The following PELO variants were observed in gnomAD, a reference collection of about 807,000 sequenced individuals.
The protein encoded by PELO is protein pelota homolog.
PELO carries 19 observed loss-of-function variants against 25.9 expected under a neutral mutation model. The observed-to-expected ratio is 0.73, with a 90% CI of 0.51 to 1.08. PELO has a LOEUF of 1.08. Among genes scored for constraint, PELO ranks in the 50% least tolerant of loss-of-function variants. The pLI, the probability that PELO is intolerant of heterozygous loss-of-function variation, is 0.00. For synonymous variants in PELO, 196 were observed against 192.2 expected (o/e 1.02, Z -0.16); for missense variants, 498 against 491.4 (o/e 1.01, Z -0.13).
chr5:52,796,045 G>T (rs1490210636), intron 1 of PELO, among the ~76,000 whole-genome samples: 1 of 151,938 alleles, frequency 6.6e-6, no homozygotes, highest in Non-Finnish European at 1.5e-5. Context: ...ATGTTAGGAT[G>T]AGATTATAGG....
intron 1 of PELO, among the ~76,000 whole-genome samples, chr5:52,799,261 C>T (rs955124982): frequency 1.3e-5 from 2 of 152,190 alleles, no homozygotes; most frequent in Non-Finnish European, 2.9e-5. Context: ...TGCTAAGTAA[C>T]TTAAGGATTT....
intron 1 of PELO, among the ~76,000 whole-genome samples, chr5:52,796,121 T>C (rs1748336879): frequency 6.6e-6 from 1 of 151,992 alleles, no homozygotes; most frequent in Admixed American, 6.6e-5. Flanking sequence ...AATTATTGAA[T>C]TCAATTCCCT....
Position 52,801,132 on chromosome 5 carries a change from T to A in PELO, c.726+12T>A. ...CCAAATTTCTTCAGGTAAAACAATC[T>A]TACCCAGGGATAATTAAGAATGGGC... On this transcript the variant is annotated intron_variant, in intron 2 of 2. Transcript: ENST00000274311. The A allele has an allele frequency of 2.5e-6, 4 of 1,583,134 alleles. No homozygotes were observed. Among genetic ancestry groups the A allele is most frequent in the Non-Finnish European group, 3.4e-6 (4 of 1,163,504 alleles).
rs912819566 is a variant in PELO at position 52,802,151 on chromosome 5, G to T, written c.*311G>T. Reference sequence around the variant, plus strand: ...AAAGACGATGCCTATGCAGTATATTGTTTGGGATAGATTGCAAAATTTCAC... The same window carrying T: ...AAAGACGATGCCTATGCAGTATATTTTTTGGGATAGATTGCAAAATTTCAC... On this transcript the variant is annotated 3_prime_UTR_variant, in exon 3 of 3. Transcript: ENST00000274311. 5 of 216,764 alleles carry T rather than the reference G, an allele frequency of 2.3e-5. No homozygotes were observed. The highest frequency in any genetic ancestry group is 4.6e-5 in the Non-Finnish European group (5 of 108,920). The allele number at this position is 216,764 out of a possible 1,614,324, so 13.4% of individuals were successfully genotyped here.
chr5:52,803,038 A>C lies in PELO; in HGVS notation c.*1198A>C, dbSNP rs1489526102. 1 of 152,230 alleles carries C rather than the reference A, an allele frequency of 6.6e-6. No individual in the cohort carries two copies. The highest frequency in any genetic ancestry group is 1.9e-4 in the East Asian group (1 of 5,200). The allele number at this position is 152,230 out of a possible 1,614,324, so 9.4% of individuals were successfully genotyped here. ...CAAACCTCAATTTAGCAAAATAATT[A>C]GGAACGATCTAATAGTGATGATACA... On this transcript the variant is annotated 3_prime_UTR_variant, in exon 3 of 3. Coordinates refer to ENST00000274311, the MANE Select transcript of PELO (RefSeq NM_015946.5).
chr5:52,790,387 T>C (rs1277193416), intron 1 of PELO, among the ~76,000 whole-genome samples: 1 of 152,236 alleles, frequency 6.6e-6, no homozygotes, highest in Non-Finnish European at 1.5e-5. Context: ...CAACTTGCCA[T>C]AGATCACCAG....
At chr5:52,794,907 C>A (rs921478626) in intron 1 of PELO, among the ~76,000 whole-genome samples, 1 of 151,726 alleles carries the variant, frequency 6.6e-6, no homozygotes, top group Non-Finnish European at 1.5e-5. Context: ...AAACTAATTG[C>A]CATTATGTGT....
chr5:52,795,868 C>T (rs1430132924), intron 1 of PELO, among the ~76,000 whole-genome samples: 5 of 151,816 alleles, frequency 3.3e-5, no homozygotes, highest in East Asian at 1.9e-4. Context: ...AGCTTTATTG[C>T]GGTCTGGGAC....
At chr5:52,788,471 G>C in intron 1 of PELO, 57 bp downstream of exon 1, 3 of 1,356,958 alleles carry the variant, frequency 2.2e-6, no homozygotes, top group Non-Finnish European at 2.9e-6. Flanking sequence ...GGCTTGGAGC[G>C]GGGAGGGAGG....
At chr5:52,791,066 G>C (rs1748228449) in intron 1 of PELO, among the ~76,000 whole-genome samples, 1 of 152,136 alleles carries the variant, frequency 6.6e-6, no homozygotes, top group South Asian at 2.1e-4. Context: ...CTTCCTATTT[G>C]ATTTAGACTG....
Position 52,800,203 on chromosome 5 carries a change from G to A in PELO, c.-192G>A. 6.6e-6 allele frequency: 4 copies of A among 606,484 alleles called. No homozygotes were observed. The highest frequency in any genetic ancestry group is 5.9e-5 in the South Asian group (3 of 50,600). The allele number at this position is 606,484 out of a possible 1,614,324, so 37.6% of individuals were successfully genotyped here. ...GACGCAGCGCGCCGGGAGACTGAGA[G>A]AGGAAAGGATAGAGGAAGTGCTGCC... On this transcript the variant is annotated 5_prime_UTR_variant, in exon 2 of 3. Coordinates refer to ENST00000274311, the MANE Select transcript of PELO (RefSeq NM_015946.5).
rs775293472 is a variant in PELO at position 52,788,350 on chromosome 5, G to C, written c.-575G>C. 55 of 1,506,510 alleles carry C rather than the reference G, an allele frequency of 3.7e-5. No homozygotes were observed. The highest frequency in any genetic ancestry group is 1.4e-4 in the East Asian group (5 of 36,524). 93.3% of individuals were successfully genotyped at this position (1,506,510 alleles called of 1,614,324 possible). A position where few individuals can be genotyped will look rare whatever the true frequency, so the allele number is the denominator to read the frequency against. The stretch of plus-strand genomic sequence containing the variant: ...GGCCCCCTGGCGCTGAGGCTGCTCC[G>C]GCCATGGCCCCTCGGCCCCGCGCCC... On this transcript the variant is annotated 5_prime_UTR_variant, in exon 1 of 3. Transcript: ENST00000274311.
At chr5:52,801,173 A>T in intron 2 of PELO, 53 bp downstream of exon 2, 1 of 1,490,888 alleles carries the variant, frequency 6.7e-7, no homozygotes. Flanking sequence ...GATTGGTATA[A>T]ACTACTCCTA....
chr5:52,791,705 ACAAG>A lies in PELO; in HGVS notation c.-511+3294_-511+3297del, dbSNP rs146221835. The stretch of plus-strand genomic sequence containing the variant: ...AAAAAATTAAGTTTACTAATTGATC[ACAAG>A]CAGTCACAGATTTCTTTGTTCTTTT... On this transcript the variant is annotated intron_variant, in intron 1 of 2. Transcript: ENST00000274311. Among the ~76,000 whole-genome samples the A allele has an allele frequency of 6.6e-3, 1,006 of 151,850 alleles. 9 individuals carry two copies. The highest frequency in any genetic ancestry group is 0.022 in the African/African-American group (926 of 41,350).
intron 1 of PELO, among the ~76,000 whole-genome samples, chr5:52,797,002 A>T (rs1442341194): frequency 6.6e-6 from 1 of 152,118 alleles, no homozygotes; most frequent in East Asian, 1.9e-4. Flanking sequence ...CCTGAGGGGA[A>T]AAGTGGGAAG....
Position 52,788,434 on chromosome 5 carries a change from C to A in PELO, c.-511+20C>A. ...TCACTGGTGAGCGACTCGCTTTTCT[C>A]TGAGCATCTCCTGCTCGCGGGCTTG... is the stretch of plus-strand genomic sequence containing the variant. On this transcript the variant is annotated intron_variant, in intron 1 of 2. Coordinates refer to ENST00000274311, the MANE Select transcript of PELO (RefSeq NM_015946.5). The A allele has an allele frequency of 6.7e-7, 1 of 1,498,598 alleles. No homozygotes were observed. Among genetic ancestry groups the A allele is most frequent in the Non-Finnish European group, 8.9e-7 (1 of 1,126,136 alleles). The allele number at this position is 1,498,598 out of a possible 1,614,324, so 92.8% of individuals were successfully genotyped here. A position where few individuals can be genotyped will look rare whatever the true frequency, so the allele number is the denominator to read the frequency against.
At position 52,803,192 on chromosome 5, in the gene PELO, A is replaced by G. The variant is rs963312944; in HGVS notation, c.*1352A>G. The G allele has an allele frequency of 1.3e-5, 2 of 152,134 alleles. No homozygotes were observed. The highest frequency in any genetic ancestry group is 2.9e-5 in the Non-Finnish European group (2 of 68,028). The allele number at this position is 152,134 out of a possible 1,614,324, so 9.4% of individuals were successfully genotyped here. A position where few individuals can be genotyped will look rare whatever the true frequency, so the allele number is the denominator to read the frequency against. On this transcript the variant is annotated 3_prime_UTR_variant, in exon 3 of 3. Coordinates refer to ENST00000274311, the MANE Select transcript of PELO (RefSeq NM_015946.5). ...CTTGGGGATTTCTTGTAAACTTCCTAACTAGTCTGAACCTTTTTATTTCTT... is the reference window on the plus strand; with the variant it reads ...CTTGGGGATTTCTTGTAAACTTCCTGACTAGTCTGAACCTTTTTATTTCTT...
Position 52,801,125 on chromosome 5 carries a change from A to G in PELO, c.726+5A>G. On this transcript the variant is annotated splice_donor_5th_base_variant and intron_variant, in intron 2 of 2. Transcript: ENST00000274311. ...AACCGGTCCAAATTTCTTCAGGTAA[A>G]ACAATCTTACCCAGGGATAATTAAG... The G allele has an allele frequency of 6.3e-7, 1 of 1,591,214 alleles. No individual in the cohort carries two copies. Among genetic ancestry groups the G allele is most frequent in the Middle Eastern group, 1.7e-4 (1 of 5,916 alleles).
rs1357989797 is a variant in PELO at position 52,800,604 on chromosome 5, G to C, written c.210G>C (p.Glu70Asp). 1 of 1,613,846 alleles carries C rather than the reference G, an allele frequency of 6.2e-7. No homozygotes were observed. Among genetic ancestry groups the C allele is most frequent in the South Asian group, 1.1e-5 (1 of 91,052 alleles). The change falls in exon 2 of 3, where the codon GAG (glutamate) becomes GAC (aspartate). Residue 70 changes from glutamate to aspartate, a missense_variant. Glu to Asp is a conservative substitution (Grantham distance 45). Transcript: ENST00000274311. ...RVRTTLTLCV[E>D]AIDFDSQACQ... ...GCACTACCCTCACTCTCTGCGTGGA[G>C]GCCATCGACTTCGACTCTCAAGCCT...
Sources: gnomAD v4.1 joint callset for allele counts (sites outside exome capture counted in the v4.1 genomes callset) on GRCh38, gnomAD v4.1.1 for gene constraint, MANE v1.5 for transcripts, NCBI Gene and HGNC (gene_info 2026-07-23, HGNC 2026-07-21) for gene names.